LRMDA: variants seen among roughly 807,000 people sequenced by gnomAD.
LRMDA encodes the protein leucine-rich melanocyte differentiation-associated protein.
A neutral mutation model predicts 29.8 loss-of-function variants in LRMDA; 18 were observed. That is an observed-to-expected ratio of 0.60 (90% confidence interval 0.42 to 0.90). The LOEUF is 0.90. Among genes scored for constraint, LRMDA ranks in the 40% least tolerant of loss-of-function variants. The probability of loss-of-function intolerance (pLI) is 0.00; values close to 1 mark genes in which losing one functional copy is unlikely to be tolerated. For synonymous variants in LRMDA, 125 were observed against 109.4 expected (o/e 1.14, Z -0.89); for missense variants, 273 against 273.9 (o/e 1.00, Z 0.02).
intron 2 of LRMDA, among the ~76,000 whole-genome samples, chr10:75,750,381 G>C (rs1156449462): frequency 6.7e-6 from 1 of 148,764 alleles, no homozygotes; most frequent in Non-Finnish European, 1.5e-5. Flanking sequence ...GGGCAGAGAC[G>C]CTCCTCACCT....
At chr10:76,416,490 T>A (rs1258046575) in intron 6 of LRMDA, among the ~76,000 whole-genome samples, 1 of 152,226 alleles carries the variant, frequency 6.6e-6, no homozygotes, top group Non-Finnish European at 1.5e-5. Flanking sequence ...TTTCCCAGGT[T>A]AGTTATGAAA....
At chr10:76,264,038 CTG>C (rs1839974554) in intron 5 of LRMDA, among the ~76,000 whole-genome samples, 1 of 152,178 alleles carries the variant, frequency 6.6e-6, no homozygotes, top group African/African-American at 2.4e-5. Flanking sequence ...ACCTGAGAAT[CTG>C]AGTTCATTTA....
chr10:76,004,417 A>G (rs1847612049), intron 2 of LRMDA, among the ~76,000 whole-genome samples: 1 of 152,206 alleles, frequency 6.6e-6, no homozygotes, highest in African/African-American at 2.4e-5. Context: ...CTTATGGATA[A>G]TTGCTGCTCT....
chr10:75,694,702 T>C (rs565410447), intron 2 of LRMDA, among the ~76,000 whole-genome samples: 70 of 152,260 alleles, frequency 4.6e-4, no homozygotes, highest in African/African-American at 1.6e-3. Flanking sequence ...AGCAGCGTCA[T>C]GTGTAGTAAG....
chr10:76,455,427 C>T (rs939132096), intron 6 of LRMDA, among the ~76,000 whole-genome samples: 15 of 152,122 alleles, frequency 9.9e-5, no homozygotes, highest in African/African-American at 1.7e-4. Flanking sequence ...GAGTATGCAT[C>T]GATGCTAATC....
rs59846541 is a variant in LRMDA at position 76,264,406 on chromosome 10, C to CAAAAAAAAAAA, written c.517-59954_517-59944dup. 4.4e-4 allele frequency among the ~76,000 whole-genome samples: 15 copies of CAAAAAAAAAAA among 34,292 alleles called. 2 individuals carry two copies. Among genetic ancestry groups the CAAAAAAAAAAA allele is most frequent in the Non-Finnish European group, 5.7e-4 (11 of 19,224 alleles). 22.5% of individuals were successfully genotyped at this position (34,292 alleles called of 152,430 possible). On this transcript the variant is annotated intron_variant, in intron 5 of 6. Coordinates refer to ENST00000611255, the MANE Select transcript of LRMDA (RefSeq NM_001305581.2). ...TGGGTAACAGAGCAAGACTCTGTCT[C>CAAAAAAAAAAA]AAAAAAAAAAAAAAAAAAAAAAAAA...
chr10:76,027,663 T>G (rs1848084018), intron 2 of LRMDA, among the ~76,000 whole-genome samples: 1 of 152,342 alleles, frequency 6.6e-6, no homozygotes. Context: ...TTGATGATTC[T>G]TAACCATTAA....
intron 2 of LRMDA, among the ~76,000 whole-genome samples, chr10:75,602,254 G>A (rs112005116): frequency 1.9e-4 from 29 of 152,252 alleles, no homozygotes; most frequent in Non-Finnish European, 3.5e-4. Context: ...TAAGGGAGGA[G>A]GGATTTTGAT....
At chr10:75,912,300 C>T (rs1162866413) in intron 2 of LRMDA, among the ~76,000 whole-genome samples, 1 of 152,200 alleles carries the variant, frequency 6.6e-6, no homozygotes, top group Non-Finnish European at 1.5e-5. Flanking sequence ...CTTCCATGCT[C>T]TTCACATGCC....
At chr10:76,316,509 G>A (rs1268584451) in intron 5 of LRMDA, among the ~76,000 whole-genome samples, 1 of 152,210 alleles carries the variant, frequency 6.6e-6, no homozygotes. Context: ...TGGGCCAAGT[G>A]TGTGGAATGA....
intron 2 of LRMDA, among the ~76,000 whole-genome samples, chr10:75,963,412 A>G (rs1846802430): frequency 6.6e-6 from 1 of 152,198 alleles, no homozygotes; most frequent in Admixed American, 6.5e-5. Flanking sequence ...GCAGGATAAC[A>G]TCTGCTTTGT....
At chr10:75,517,166 T>G (rs969310282) in intron 2 of LRMDA, among the ~76,000 whole-genome samples, 1 of 152,120 alleles carries the variant, frequency 6.6e-6, no homozygotes, top group African/African-American at 2.4e-5. Flanking sequence ...TTGCTTAGGA[T>G]TGTCTTGGCA....
intron 2 of LRMDA, among the ~76,000 whole-genome samples, chr10:75,896,329 C>T (rs773228364): frequency 2.0e-5 from 3 of 152,210 alleles, no homozygotes; most frequent in Non-Finnish European, 4.4e-5. Flanking sequence ...TATTACCTAA[C>T]TTGTGGGTTG....
At chr10:76,081,037 C>T (rs1849041005) in intron 5 of LRMDA, among the ~76,000 whole-genome samples, 1 of 152,176 alleles carries the variant, frequency 6.6e-6, no homozygotes, top group African/African-American at 2.4e-5. Context: ...TTCCTTATTG[C>T]AGGCAGAAAA....
chr10:75,628,501 A>G (rs1841280409), intron 2 of LRMDA, among the ~76,000 whole-genome samples: 1 of 152,220 alleles, frequency 6.6e-6, no homozygotes, highest in South Asian at 2.1e-4. Context: ...ACCTGATTGC[A>G]CTGAGGATCA....
chr10:75,590,726 C>CTTTTTTTTTTTTT (rs67966004), intron 2 of LRMDA, among the ~76,000 whole-genome samples: 19 of 71,386 alleles, frequency 2.7e-4, no homozygotes, highest in African/African-American at 3.4e-4. Flanking sequence ...ATAAAATAGT[C>CTTTTTTTTTTTTT]TTTTTTTTTT....
intron 6 of LRMDA, among the ~76,000 whole-genome samples, chr10:76,478,194 C>T (rs1401644192): frequency 6.6e-6 from 1 of 151,674 alleles, no homozygotes; most frequent in East Asian, 1.9e-4. Context: ...TGAACTCCAA[C>T]AAATTTACAA....
intron 2 of LRMDA, among the ~76,000 whole-genome samples, chr10:75,929,006 T>C (rs1368728716): frequency 6.6e-6 from 1 of 152,152 alleles, no homozygotes; most frequent in Non-Finnish European, 1.5e-5. Flanking sequence ...AACCACCAGA[T>C]TTGATTATTT....
At chr10:76,163,397 A>T (rs528904391) in intron 5 of LRMDA, among the ~76,000 whole-genome samples, 25 of 152,262 alleles carry the variant, frequency 1.6e-4, no homozygotes, top group African/African-American at 5.8e-4. Context: ...CATGAGTCCC[A>T]GGCAGTCACA....
Sources: gnomAD v4.1 joint callset for allele counts (sites outside exome capture counted in the v4.1 genomes callset) on GRCh38, gnomAD v4.1.1 for gene constraint, MANE v1.5 for transcripts, NCBI Gene and HGNC (gene_info 2026-07-23, HGNC 2026-07-21) for gene names.